SKOR2: variants seen among roughly 807,000 people sequenced by gnomAD.
SKOR2 encodes the protein SKI family transcriptional corepressor 2, also known as LBX1 corepressor 1-like protein.
SKOR2 carries 47 observed loss-of-function variants against 69.1 expected under a neutral mutation model. That is an observed-to-expected ratio of 0.68 (90% CI 0.54 to 0.87). The LOEUF (loss-of-function observed/expected upper bound fraction) is 0.87, where lower values mean the gene tolerates loss of function less well. SKOR2 is among the 40% of genes least tolerant of loss of function. The pLI is 0.00. For synonymous variants in SKOR2, 717 were observed against 672.6 expected, an observed-to-expected ratio of 1.07 and a Z score of -1.02; for missense variants, 1,404 against 1,472.2, an observed-to-expected ratio of 0.95 and a Z score of 0.76.
In SKOR2 at chr18:47,248,223, C is replaced by T; in HGVS notation, c.961G>A (p.Ala321Thr). Residue 321 changes from alanine to threonine, a missense_variant, in exon 2 of 9, where the codon GCC (alanine) becomes ACC (threonine). By Grantham distance (58) the Ala-to-Thr change is moderately conservative (BLOSUM62 0). This residue lies in a region of SKOR2 where 1,266 missense variants were observed against 1,309.9 expected (regional missense o/e 0.97). Coordinates refer to ENST00000425639, the MANE Select transcript of SKOR2 (RefSeq NM_001278063.4). This position sits in a 1 kb window ranked among gnomAD's most constrained non-coding sequence, Gnocchi z 6.4. Reference protein sequence around the residue: ...FDDDDDSLQEAAVVAAASLSA... With the variant: ...FDDDDDSLQETAVVAAASLSA... ...AGGCTGGCGGCGGCCACTACGGCGG[C>T]CTCCTGCAAGGAGTCGTCGTCGTCG... 1.6e-6 allele frequency: 2 copies of T among 1,229,892 alleles called. No individual in the cohort carries two copies. Among genetic ancestry groups the T allele is most frequent in the Non-Finnish European group, 1.0e-6 (1 of 988,582 alleles). The allele number at this position is 1,229,892 out of a possible 1,614,324, so 76.2% of individuals were successfully genotyped here.
chr18:47,225,365 C>G (rs2064175026), intron 6 of SKOR2, among the ~76,000 whole-genome samples: 1 of 152,174 alleles, frequency 6.6e-6, no homozygotes, highest in Non-Finnish European at 1.5e-5. Context: ...AACTCATGAG[C>G]CCTGGATACT....
At chr18:47,244,846 T>A in intron 4 of SKOR2, 62 bp downstream of exon 4, 1 of 1,427,790 alleles carries the variant, frequency 7.0e-7, no homozygotes. Flanking sequence ...CTTTTGATTA[T>A]GAATTTCAGC....
intron 7 of SKOR2, among the ~76,000 whole-genome samples, chr18:47,216,961 AT>A (rs1286135641): frequency 6.6e-6 from 1 of 152,222 alleles, no homozygotes; most frequent in African/African-American, 2.4e-5. Context: ...TAATTGTGAT[AT>A]TTTACAATTT....
intron 7 of SKOR2, among the ~76,000 whole-genome samples, chr18:47,213,204 C>T (rs1024200763): frequency 2.0e-5 from 3 of 151,698 alleles, no homozygotes; most frequent in Admixed American, 1.3e-4. Flanking sequence ...CTTATGTTAC[C>T]GACCTTCATC....
chr18:47,247,069 G>A lies in SKOR2; in HGVS notation c.2115C>T (p.Pro705=). Reference sequence around the variant, plus strand: ...GGTGGTGCGGGTGCTGGGCCAGAGGGGGCGGCGGGGGCGGCGGCGGCGGCG... The same window carrying A: ...GGTGGTGCGGGTGCTGGGCCAGAGGAGGCGGCGGGGGCGGCGGCGGCGGCG... ...PPPPPPPPPP[P]PLAQHPHHRG... is the part of the protein sequence containing the mutation. Residue 705 remains proline, a synonymous_variant, in exon 2 of 9, where the codon CCC becomes CCT. Coordinates refer to ENST00000425639, the MANE Select transcript of SKOR2 (RefSeq NM_001278063.4). The surrounding 1 kb of genome is among the most constrained non-coding windows in gnomAD (Gnocchi z 6.6). 2 of 1,390,996 alleles carry A rather than the reference G, an allele frequency of 1.4e-6. No homozygotes were observed. Among genetic ancestry groups the A allele is most frequent in the Admixed American group, 3.0e-5 (1 of 33,068 alleles). The allele number at this position is 1,390,996 out of a possible 1,614,324, so 86.2% of individuals were successfully genotyped here. A position where few individuals can be genotyped will look rare whatever the true frequency, so the allele number is the denominator to read the frequency against.
intron 7 of SKOR2, among the ~76,000 whole-genome samples, chr18:47,213,447 A>G (rs2064134145): frequency 6.7e-6 from 1 of 149,288 alleles, no homozygotes. Flanking sequence ...AGTATACTGT[A>G]TGTTTTCCTC....
At chr18:47,216,632 T>G (rs1219727228) in intron 7 of SKOR2, among the ~76,000 whole-genome samples, 1 of 152,212 alleles carries the variant, frequency 6.6e-6, no homozygotes, top group African/African-American at 2.4e-5. Flanking sequence ...TTTCTTTCTA[T>G]GGCAATGATA....
intron 7 of SKOR2, among the ~76,000 whole-genome samples, chr18:47,216,643 C>T (rs1568083525): frequency 6.6e-6 from 1 of 152,094 alleles, no homozygotes; most frequent in Non-Finnish European, 1.5e-5. Flanking sequence ...GGCAATGATA[C>T]CCAAGACGCT....
intron 6 of SKOR2, among the ~76,000 whole-genome samples, chr18:47,227,267 C>G (rs960552931): frequency 1.3e-5 from 2 of 151,698 alleles, no homozygotes; most frequent in Non-Finnish European, 2.9e-5. Flanking sequence ...TGTACCCTCT[C>G]CATTCTTACG....
rs2064274738 is a variant in SKOR2 at position 47,246,628 on chromosome 18, G to A, written c.2556C>T (p.Ser852=). 4 of 1,521,568 alleles carry A rather than the reference G, an allele frequency of 2.6e-6. No individual in the cohort carries two copies. The East Asian group carries it at 1.0e-4, about 39-fold the overall frequency. The allele number at this position is 1,521,568 out of a possible 1,614,324, so 94.3% of individuals were successfully genotyped here. The change falls in exon 2 of 9, where the codon AGC becomes AGT. Residue 852 remains serine, a synonymous_variant. Coordinates refer to ENST00000425639, the MANE Select transcript of SKOR2 (RefSeq NM_001278063.4). ...GATGGTGAACTGGGCTGCCCGGGCT[G>A]CTGCTGCCGCCGCCACTCGCCTTCT... ...APQKASGGGS[S]SPGSPVHHPS...
chr18:47,234,864 G>GAAAAAAAAAAAAAAAA (rs769601681), intron 4 of SKOR2, among the ~76,000 whole-genome samples: 1 of 109,082 alleles, frequency 9.2e-6, no homozygotes, highest in African/African-American at 3.4e-5. Flanking sequence ...CCATCTCAGG[G>GAAAAAAAAAAAAAAAA]AAAAAAAAAA....
chr18:47,231,843 C>CAAAA lies in SKOR2; in HGVS notation c.2753-847_2753-844dup, dbSNP rs11342275. 9.9e-3 allele frequency among the ~76,000 whole-genome samples: 1,293 copies of CAAAA among 130,874 alleles called. 27 individuals are homozygous for CAAAA. Among genetic ancestry groups the CAAAA allele is most frequent in the African/African-American group, 0.036 (1,224 of 33,996 alleles). 85.9% of individuals were successfully genotyped at this position (130,874 alleles called of 152,430 possible). A position where few individuals can be genotyped will look rare whatever the true frequency, so the allele number is the denominator to read the frequency against. ...GGGCAACAAGAGCGAAACTCCATCT[C>CAAAA]AAAAAAAAAAAAAAAATCAACTTAA... On this transcript the variant is annotated intron_variant, in intron 4 of 8. Transcript: ENST00000425639.
At chr18:47,238,156 A>G (rs933985579) in intron 4 of SKOR2, among the ~76,000 whole-genome samples, 1 of 152,130 alleles carries the variant, frequency 6.6e-6, no homozygotes, top group Non-Finnish European at 1.5e-5. Context: ...ACTATTGTTG[A>G]CACTTCATGA....
At position 47,248,053 on chromosome 18, in the gene SKOR2, C is replaced by T. The variant is rs1295947910; in HGVS notation, c.1131G>A (p.Pro377=). The T allele has an allele frequency of 1.5e-5, 22 of 1,435,260 alleles. No individual in the cohort carries two copies. In the East Asian group the frequency reaches 2.5e-4, roughly 16 times the overall value. 88.9% of individuals were successfully genotyped at this position (1,435,260 alleles called of 1,614,324 possible). The part of the protein sequence containing the change: ...GAGAGAGAKG[P]RSYPVIPVPS... Reference sequence around the variant, plus strand: ...GCACCGGGATGACTGGGTAGCTGCGCGGGCCTTTGGCCCCTGCCCCGGCAC... The same window carrying T: ...GCACCGGGATGACTGGGTAGCTGCGTGGGCCTTTGGCCCCTGCCCCGGCAC... Residue 377 remains proline (P), a synonymous_variant, in exon 2 of 9, where the codon CCG becomes CCA. Transcript: ENST00000425639. The surrounding 1 kb of genome is among the most constrained non-coding windows in gnomAD (Gnocchi z 6.4).
intron 7 of SKOR2, among the ~76,000 whole-genome samples, chr18:47,215,865 T>G (rs1373648730): frequency 1.3e-5 from 2 of 152,280 alleles, no homozygotes; most frequent in African/African-American, 4.8e-5. Flanking sequence ...CACAACGTTC[T>G]CCAAGAACTA....
At position 47,247,068 on chromosome 18, in the gene SKOR2, G is replaced by C; in HGVS notation, c.2116C>G (p.Pro706Ala). Residue 706 changes from proline (P) to alanine (A), a missense_variant, in exon 2 of 9, where the codon CCT (proline) becomes GCT (alanine). This residue lies in a region of SKOR2 where 1,266 missense variants were observed against 1,309.9 expected (regional missense o/e 0.97). Coordinates refer to ENST00000425639, the MANE Select transcript of SKOR2 (RefSeq NM_001278063.4). This position sits in a 1 kb window ranked among gnomAD's most constrained non-coding sequence, Gnocchi z 6.6. Reference protein sequence around the residue: ...PPPPPPPPPPPLAQHPHHRGL... With the variant: ...PPPPPPPPPPALAQHPHHRGL... ...CGGTGGTGCGGGTGCTGGGCCAGAG[G>C]GGGCGGCGGGGGCGGCGGCGGCGGC... 1 of 1,393,310 alleles carries C rather than the reference G, an allele frequency of 7.2e-7. No homozygotes were observed. Among genetic ancestry groups the C allele is most frequent in the African/African-American group, 1.5e-5 (1 of 66,518 alleles). The allele number at this position is 1,393,310 out of a possible 1,614,324, so 86.3% of individuals were successfully genotyped here. A position where few individuals can be genotyped will look rare whatever the true frequency, so the allele number is the denominator to read the frequency against.
At chr18:47,246,550 G>T (rs1885522592) in intron 2 of SKOR2, 21 bp downstream of exon 2, 2 of 1,492,288 alleles carry the variant, frequency 1.3e-6, no homozygotes, top group African/African-American at 2.9e-5. Context: ...TAGCTTGAAG[G>T]AGCCTAAAGG....
rs1331755447 is a variant in SKOR2, at chr18:47,248,476, G to A, written c.708C>T (p.Asn236=). The A allele has an allele frequency of 6.5e-7, 1 of 1,531,900 alleles. No individual in the cohort carries two copies. The highest frequency in any genetic ancestry group is 8.7e-7 in the Non-Finnish European group (1 of 1,144,314). The allele number at this position is 1,531,900 out of a possible 1,614,324, so 94.9% of individuals were successfully genotyped here. The part of the protein sequence containing the change: ...FAWEDVKAMF[N]GGSRKRALPQ... ...GCAGTGCGCGCTTGCGGCTGCCGCC[G>A]TTGAACATGGCCTTGACGTCCTCCC... Residue 236 remains asparagine (N), a synonymous_variant, in exon 2 of 9, where the codon AAC becomes AAT. Transcript: ENST00000425639. This position sits in a 1 kb window ranked among gnomAD's most constrained non-coding sequence, Gnocchi z 6.4.
rs2064129596 is a variant in SKOR2 at position 47,212,089 on chromosome 18, T to C, written c.3048A>G (p.Ter1016=). 1 of 1,232,044 alleles carries C rather than the reference T, an allele frequency of 8.1e-7. No homozygotes were observed. The highest frequency in any genetic ancestry group is 1.0e-6 in the Non-Finnish European group (1 of 987,880). 76.3% of individuals were successfully genotyped at this position (1,232,044 alleles called of 1,614,324 possible). ...CTCTTTCCTCTGGTGATCTTACCTT[T>C]TAGCTTTTGCTGAGATGGGCGCCAA... is the stretch of plus-strand genomic sequence containing the variant. ...EKLGAHLSKS[*] The change falls in exon 8 of 9, where the codon TAA becomes TAG. Residue 1016 remains the stop codon, a stop_retained_variant. Transcript: ENST00000425639.
Sources: gnomAD v4.1 joint callset for allele counts (sites outside exome capture counted in the v4.1 genomes callset) on GRCh38, gnomAD v4.1.1 for gene constraint, gnomAD v4.1.1 regional missense constraint, Gnocchi (gnomAD v3.1) non-coding constraint, MANE v1.5 for transcripts, NCBI Gene and HGNC (gene_info 2026-07-23, HGNC 2026-07-21) for gene names.